Variants in KIR2DL3 observed in about 807,000 individuals in gnomAD.
The protein encoded by KIR2DL3 is killer cell immunoglobulin-like receptor 2DL3.
KIR2DL3 carries 39 observed loss-of-function variants against 33.8 expected under a neutral mutation model. That is an observed-to-expected ratio of 1.15 (90% CI 0.89 to 1.51). KIR2DL3 has a LOEUF of 1.51. Among genes scored for constraint, KIR2DL3 ranks in the 40% most tolerant of loss-of-function variants. The pLI is 0.00. For missense variants in KIR2DL3, 462 were observed against 426.2 expected (o/e 1.08, Z -0.74); for synonymous variants, 174 against 160.2 (o/e 1.09, Z -0.65).
chr19:54,745,660 A>C (rs1167822060), intron 4 of KIR2DL3, among the ~76,000 whole-genome samples: 1 of 151,412 alleles, frequency 6.6e-6, no homozygotes, highest in Non-Finnish European at 1.5e-5. Context: ...CACCTCACCC[A>C]ACCTCTTTTT....
chr19:54,741,502 A>C (rs2071098198), intron 2 of KIR2DL3, among the ~76,000 whole-genome samples: 1 of 151,770 alleles, frequency 6.6e-6, no homozygotes, highest in Non-Finnish European at 1.5e-5. Context: ...AGCTGGCACC[A>C]TGGAGAAGGC....
intron 5 of KIR2DL3, among the ~76,000 whole-genome samples, chr19:54,749,202 G>A: frequency 6.7e-6 from 1 of 150,308 alleles, no homozygotes. Context: ...GGGTACACAG[G>A]AAACTAAGGA....
intron 4 of KIR2DL3, among the ~76,000 whole-genome samples, chr19:54,746,355 T>C (rs1473301340): frequency 7.2e-6 from 1 of 138,630 alleles, no homozygotes; most frequent in Non-Finnish European, 1.6e-5. Context: ...TCTCTTCACT[T>C]TGTTGGTTTA....
intron 2 of KIR2DL3, among the ~76,000 whole-genome samples, chr19:54,739,905 C>G (rs1038635666): frequency 5.9e-5 from 9 of 152,228 alleles, no homozygotes; most frequent in Non-Finnish European, 1.0e-4. Flanking sequence ...AGCCATGGCC[C>G]TGACATTCCA....
At position 54,751,660 on chromosome 19, in the gene KIR2DL3, C is replaced by A. The variant is rs778470249; in HGVS notation, c.727C>A (p.His243Asn). 62 of 1,504,912 alleles carry A rather than the reference C, an allele frequency of 4.1e-5. 8 individuals carry two copies. Among genetic ancestry groups the A allele is most frequent in the Middle Eastern group, 3.6e-4 (2 of 5,488 alleles). The allele number at this position is 1,504,912 out of a possible 1,614,324, so 93.2% of individuals were successfully genotyped here. A position where few individuals can be genotyped will look rare whatever the true frequency, so the allele number is the denominator to read the frequency against. ...TCCTCTTCTTCCAGGTAACCCCAGA[C>A]ACCTGCATGTTCTGATTGGGACCTC... The part of the protein sequence containing the change: ...EPSSETGNPR[H>N]LHVLIGTSVV... The change falls in exon 6 of 8, where the codon CAC becomes AAC. Residue 243 changes from histidine to asparagine, a missense_variant. By Grantham distance (68) the His-to-Asn change is moderately conservative. Coordinates refer to ENST00000342376, the MANE Select transcript of KIR2DL3 (RefSeq NM_015868.3).
At position 54,747,353 on chromosome 19, in the gene KIR2DL3, G is replaced by A; in HGVS notation, c.683G>A (p.Trp228Ter). The change falls in exon 5 of 8, where the codon TGG becomes TAG. Residue 228 changes from tryptophan (W) to a stop codon, truncating the protein, a stop_gained. Transcript: ENST00000342376. LOFTEE classifies it high-confidence loss of function. Reference protein sequence around the residue: ...VSVTGNPSNSWPSPTEPSSET... With the variant: ...VSVTGNPSNS Reference sequence around the variant, plus strand: ...GTTCTAGGAAACCCTTCAAATAGTTGGCCTTCACCCACTGAACCAAGCTCC... The same window carrying A: ...GTTCTAGGAAACCCTTCAAATAGTTAGCCTTCACCCACTGAACCAAGCTCC... 1.2e-6 allele frequency: 2 copies of A among 1,611,648 alleles called. No homozygotes were observed. The highest frequency in any genetic ancestry group is 1.7e-6 in the Non-Finnish European group (2 of 1,178,574).
At chr19:54,750,212 G>C (rs1251344926) in intron 5 of KIR2DL3, among the ~76,000 whole-genome samples, 1 of 133,432 alleles carries the variant, frequency 7.5e-6, no homozygotes, top group Non-Finnish European at 1.6e-5. Context: ...ATCACCTGTG[G>C]AGATTCAGAT....
intron 4 of KIR2DL3, among the ~76,000 whole-genome samples, chr19:54,746,482 G>T (rs2072506457): frequency 6.8e-6 from 1 of 148,002 alleles, no homozygotes; most frequent in African/African-American, 2.5e-5. Flanking sequence ...AAATGTCCTG[G>T]AGCATTTCCC....
intron 1 of KIR2DL3, 68 bp downstream of exon 1, chr19:54,738,647 T>A (rs934224990): frequency 6.2e-7 from 1 of 1,610,708 alleles, no homozygotes; most frequent in African/African-American, 1.3e-5. Context: ...GTTGGAGATA[T>A]AGGCCTGGAA....
chr19:54,743,092 A>C, intron 3 of KIR2DL3, among the ~76,000 whole-genome samples: 1 of 151,754 alleles, frequency 6.6e-6, no homozygotes, highest in Non-Finnish European at 1.5e-5. Context: ...TGTGGGGATG[A>C]ATTGCAGAGA....
At chr19:54,744,236 A>G (rs2071813441) in intron 4 of KIR2DL3, 148 bp downstream of exon 4, 1 of 1,309,928 alleles carries the variant, frequency 7.6e-7, no homozygotes, top group Non-Finnish European at 1.1e-6. Context: ...AGGATGGCAG[A>G]CAGGGCACCT....
Position 54,751,657 on chromosome 19 carries a change from A to G in KIR2DL3, c.724A>G (p.Arg242Gly). ...GTCTCCTCTTCTTCCAGGTAACCCC[A>G]GACACCTGCATGTTCTGATTGGGAC... ...TEPSSETGNP[R>G]HLHVLIGTSV... is the part of the protein sequence containing the mutation. Residue 242 changes from arginine to glycine, a missense_variant, in exon 6 of 8, where the codon AGA becomes GGA. Arg to Gly is a moderately radical substitution (Grantham distance 125). Transcript: ENST00000342376. 1 of 1,505,328 alleles carries G rather than the reference A, an allele frequency of 6.6e-7. No individual in the cohort carries two copies. The allele number at this position is 1,505,328 out of a possible 1,614,324, so 93.2% of individuals were successfully genotyped here.
rs768282127 is a variant in KIR2DL3, at chr19:54,751,730, A to G, written c.797A>G (p.His266Arg). The G allele has an allele frequency of 2.0e-6, 3 of 1,470,116 alleles. No homozygotes were observed. The African/African-American group carries it at 4.6e-5, about 23-fold the overall frequency. 91.1% of individuals were successfully genotyped at this position (1,470,116 alleles called of 1,614,324 possible). ...ATCCTCCTCCTCTTCTTTCTCCTTC[A>G]TCGCTGGTGCTGCAACAAAAAAAGT... ...LFILLLFFLL[H>R]RWCCNKKNAV... The change falls in exon 6 of 8, where the codon CAT becomes CGT. Residue 266 changes from histidine to arginine, a missense_variant. Coordinates refer to ENST00000342376, the MANE Select transcript of KIR2DL3 (RefSeq NM_015868.3).
rs949511275 is a variant in KIR2DL3 at position 54,751,468 on chromosome 19, G to A, written c.716-181G>A. Among the ~76,000 whole-genome samples the A allele has an allele frequency of 1.3e-4, 17 of 132,964 alleles. 1 individual carries two copies. The East Asian group carries it at 1.4e-3, about 11-fold the overall frequency. 87.2% of individuals were successfully genotyped at this position (132,964 alleles called of 152,430 possible). A position where few individuals can be genotyped will look rare whatever the true frequency, so the allele number is the denominator to read the frequency against. The stretch of plus-strand genomic sequence containing the variant: ...ACTAAAGTAGTTGTATCCTCAACAC[G>A]TTCTATGGTTACTATGAGAGCTATA... On this transcript the variant is annotated intron_variant, in intron 5 of 7. Transcript: ENST00000342376.
rs187045793 is a variant in KIR2DL3, at chr19:54,752,141, A to C, written c.821-75A>C. ...TCAGGCTCCTATGGTCTCCCCCTGT[A>C]TGTTGGTATCTGCTTATGAAATGAG... On this transcript the variant is annotated intron_variant, in intron 6 of 7. Transcript: ENST00000342376. 1.1e-5 allele frequency: 15 copies of C among 1,337,606 alleles called. 4 individuals carry two copies. The Admixed American group carries it at 2.1e-4, about 19-fold the overall frequency. 82.9% of individuals were successfully genotyped at this position (1,337,606 alleles called of 1,614,324 possible). A position where few individuals can be genotyped will look rare whatever the true frequency, so the allele number is the denominator to read the frequency against.
intron 1 of KIR2DL3, among the ~76,000 whole-genome samples, chr19:54,739,075 T>G (rs1383014445): frequency 1.4e-5 from 2 of 143,590 alleles, no homozygotes; most frequent in African/African-American, 5.3e-5. Context: ...GGTGGATATC[T>G]GGGCCTGGAG....
chr19:54,748,161 C>A (rs868828863), intron 5 of KIR2DL3, among the ~76,000 whole-genome samples: 1,719 of 150,430 alleles, frequency 0.011, 19 homozygotes, highest in African/African-American at 0.04. Context: ...CCTCAAAGCC[C>A]ACAAAGACTG....
chr19:54,738,530 C>A lies in KIR2DL3; in HGVS notation c.-16C>A. On this transcript the variant is annotated 5_prime_UTR_variant, in exon 1 of 8. The change creates a new upstream start codon in the 5' untranslated region. Coordinates refer to ENST00000342376, the MANE Select transcript of KIR2DL3 (RefSeq NM_015868.3). ...GCTGAGCTGGGGCGCGGCCGCCTGT[C>A]TGCACAGACAGCACCATGTCGCTCA... 1 of 1,614,180 alleles carries A rather than the reference C, an allele frequency of 6.2e-7. No individual in the cohort carries two copies. Among genetic ancestry groups the A allele is most frequent in the South Asian group, 1.1e-5 (1 of 91,088 alleles).
intron 2 of KIR2DL3, 36 bp from the exon 3 acceptor site, chr19:54,741,944 A>G (rs1161131510): frequency 6.4e-7 from 1 of 1,554,046 alleles, no homozygotes; most frequent in Non-Finnish European, 8.8e-7. Context: ...GATGATAAAG[A>G]GAGACACCTT....
Sources: allele counts gnomAD v4.1 joint callset (sites outside exome capture counted in the v4.1 genomes callset), GRCh38; gene constraint gnomAD v4.1.1; transcripts MANE v1.5; gene names NCBI Gene and HGNC (gene_info 2026-07-23, HGNC 2026-07-21).